The following TEKT1 variants were observed in gnomAD, a reference collection of about 807,000 sequenced individuals.
The protein encoded by TEKT1 is tektin 1.
Under a neutral mutation model 34.8 loss-of-function variants are expected in TEKT1, and 32 were observed. The ratio of observed to expected loss-of-function variants is 0.92; its 90% confidence interval spans 0.69 to 1.23. The LOEUF is 1.23. Among genes scored for constraint, TEKT1 ranks in the 50% most tolerant of loss-of-function variants. The pLI, the probability that TEKT1 is intolerant of heterozygous loss-of-function variation, is 0.00. For synonymous variants in TEKT1, 207 were observed against 199.8 expected, an observed-to-expected ratio of 1.04 and a Z score of -0.30; for missense variants, 492 against 518.5, an observed-to-expected ratio of 0.95 and a Z score of 0.50.
intron 5 of TEKT1, among the ~76,000 whole-genome samples, chr17:6,814,333 T>C (rs1200562526): frequency 1.3e-5 from 2 of 152,242 alleles, no homozygotes; most frequent in Non-Finnish European, 2.9e-5. Context: ...TATATGTATG[T>C]TTTATTTCAA....
chr17:6,801,663 G>A (rs999428222), intron 6 of TEKT1, among the ~76,000 whole-genome samples: 5 of 152,172 alleles, frequency 3.3e-5, no homozygotes, highest in South Asian at 2.1e-4. Context: ...AGCCAAGATC[G>A]TGCCACTGCA....
intron 4 of TEKT1, among the ~76,000 whole-genome samples, 179 bp from the exon 5 acceptor site, chr17:6,815,485 C>T (rs575595538): frequency 3.3e-5 from 5 of 151,408 alleles, no homozygotes; most frequent in South Asian, 2.1e-4. Context: ...GACAAATCAA[C>T]GTAACCAAAT....
chr17:6,800,545 G>C (rs1976755272), intron 7 of TEKT1, among the ~76,000 whole-genome samples: 1 of 152,230 alleles, frequency 6.6e-6, no homozygotes, highest in African/African-American at 2.4e-5. Context: ...GGCTTCTTTA[G>C]AATCACTCAA....
chr17:6,820,942 C>A (rs1977079535), intron 2 of TEKT1, among the ~76,000 whole-genome samples: 1 of 152,180 alleles, frequency 6.6e-6, no homozygotes, highest in African/African-American at 2.4e-5. Context: ...TTCTATTTGG[C>A]TGTGCCCTGA....
At chr17:6,807,033 A>G (rs1976854534) in intron 6 of TEKT1, among the ~76,000 whole-genome samples, 1 of 152,278 alleles carries the variant, frequency 6.6e-6, no homozygotes, top group African/African-American at 2.4e-5. Context: ...AGATTGGGGA[A>G]GTTCTCCTGG....
Position 6,819,321 on chromosome 17 carries a change from C to T in TEKT1, c.228G>A (p.Glu76=), listed in dbSNP as rs1977054888. 6.2e-7 allele frequency: 1 copy of T among 1,613,870 alleles called. No homozygotes were observed. The highest frequency in any genetic ancestry group is 1.3e-5 in the African/African-American group (1 of 74,930). Residue 76 remains glutamate (E), a synonymous_variant, in exon 3 of 8, where the codon GAG becomes GAA. Transcript: ENST00000338694. The stretch of plus-strand genomic sequence containing the variant: ...CAAGCTGCTCAAGTTTGTCATCTAA[C>T]TCCTTCTTCCAGAACTGGACTTCCT... ...RLEEVQFWKK[E]LDDKLEQLVN... is the part of the protein sequence containing the mutation.
chr17:6,813,101 AG>A (rs1395960457), intron 5 of TEKT1, 48 bp from the exon 6 acceptor site: 4 of 1,463,286 alleles, frequency 2.7e-6, no homozygotes, highest in African/African-American at 1.4e-5. Flanking sequence ...GGGGTGGGGA[AG>A]GGGGTTGGGA....
chr17:6,799,730 A>C lies in TEKT1; in HGVS notation c.*297T>G. ...TCTACACAGGTGATCCAGCCCAACTACTTTATTGAATTGAATCTGAACTGA... is the reference window on the plus strand; with the variant it reads ...TCTACACAGGTGATCCAGCCCAACTCCTTTATTGAATTGAATCTGAACTGA... On this transcript the variant is annotated 3_prime_UTR_variant, in exon 8 of 8. Transcript: ENST00000338694. 1 of 263,126 alleles carries C rather than the reference A, an allele frequency of 3.8e-6. No individual in the cohort carries two copies. The highest frequency in any genetic ancestry group is 7.2e-6 in the Non-Finnish European group (1 of 139,612). 16.3% of individuals were successfully genotyped at this position (263,126 alleles called of 1,614,324 possible).
intron 6 of TEKT1, among the ~76,000 whole-genome samples, chr17:6,805,452 G>A (rs1976831129): frequency 6.6e-6 from 1 of 151,878 alleles, no homozygotes; most frequent in South Asian, 2.1e-4. Flanking sequence ...AGGGTTTTTT[G>A]TGTCTCTATT....
rs1976988802 is a variant in TEKT1, at chr17:6,815,274, T to C, written c.518A>G (p.Lys173Arg). Residue 173 changes from lysine (K) to arginine (R), a missense_variant, in exon 5 of 8, where the codon AAG becomes AGG. Transcript: ENST00000338694. ...MNRSAKYNLEKDLKDKFVALT... is the reference protein window; with the variant it reads ...MNRSAKYNLERDLKDKFVALT... ...GGCCACAAACTTGTCCTTCAAATCC[T>C]TCTCAAGATTGTACTTGGCAGAGCG... 1 of 1,614,134 alleles carries C rather than the reference T, an allele frequency of 6.2e-7. No individual in the cohort carries two copies. Among genetic ancestry groups the C allele is most frequent in the African/African-American group, 1.3e-5 (1 of 74,938 alleles).
intron 3 of TEKT1, among the ~76,000 whole-genome samples, chr17:6,818,971 C>T (rs1340538419): frequency 2.6e-5 from 4 of 152,160 alleles, no homozygotes; most frequent in Non-Finnish European, 5.9e-5. Flanking sequence ...CTAGTCCTAA[C>T]ATATTTGAGT....
chr17:6,812,682 G>C (rs1351781880), intron 6 of TEKT1, 149 bp downstream of exon 6: 2 of 741,726 alleles, frequency 2.7e-6, no homozygotes, highest in East Asian at 5.3e-5. Context: ...CTGCTGCTAA[G>C]CTTGAGAGAT....
chr17:6,817,596 C>T (rs1977023663), intron 3 of TEKT1, among the ~76,000 whole-genome samples: 1 of 152,072 alleles, frequency 6.6e-6, no homozygotes, highest in Non-Finnish European at 1.5e-5. Context: ...CTGTGTGCCA[C>T]ATGTGCTTCT....
chr17:6,818,639 G>A lies in TEKT1; in HGVS notation c.356+554C>T, dbSNP rs151179966. Among the ~76,000 whole-genome samples the A allele has an allele frequency of 2.0e-3, 310 of 152,280 alleles. 5 individuals carry two copies. Among genetic ancestry groups the A allele is most frequent in the African/African-American group, 7.1e-3 (296 of 41,562 alleles). On this transcript the variant is annotated intron_variant, in intron 3 of 7. Coordinates refer to ENST00000338694, the MANE Select transcript of TEKT1 (RefSeq NM_053285.2). Reference sequence around the variant, plus strand: ...TAAAACCAATCATTTCCCAGCATCTGTTGGTGTGGCCATGTGATTAAGTTC... The same window carrying A: ...TAAAACCAATCATTTCCCAGCATCTATTGGTGTGGCCATGTGATTAAGTTC...
chr17:6,812,702 C>T (rs760909799), intron 6 of TEKT1, 129 bp downstream of exon 6: 8 of 870,344 alleles, frequency 9.2e-6, no homozygotes, highest in Non-Finnish European at 1.2e-5. Flanking sequence ...TATGAATGAC[C>T]CTTACCCACG....
intron 6 of TEKT1, among the ~76,000 whole-genome samples, chr17:6,812,345 C>T (rs1481164993): frequency 6.6e-6 from 1 of 152,114 alleles, no homozygotes; most frequent in Non-Finnish European, 1.5e-5. Context: ...AGCCAGTTTA[C>T]CAGCGCAACA....
rs750631085 is a variant in TEKT1 at position 6,819,345 on chromosome 17, C to G, written c.204G>C (p.Glu68Asp). The change falls in exon 3 of 8, where the codon GAG (glutamate) becomes GAC (aspartate). Residue 68 changes from glutamate (E) to aspartate (D), a missense_variant. By Grantham distance (45) the Glu-to-Asp change is conservative. Coordinates refer to ENST00000338694, the MANE Select transcript of TEKT1 (RefSeq NM_053285.2). ...DVNKKLEQRLEEVQFWKKELD... is the reference protein window; with the variant it reads ...DVNKKLEQRLDEVQFWKKELD... Reference sequence around the variant, plus strand: ...ACTCCTTCTTCCAGAACTGGACTTCCTCGAGTCTCTGTTCTGAAGCACACG... The same window carrying G: ...ACTCCTTCTTCCAGAACTGGACTTCGTCGAGTCTCTGTTCTGAAGCACACG... The G allele has an allele frequency of 2.4e-5, 39 of 1,613,304 alleles. 1 individual carries two copies. The highest frequency in any genetic ancestry group is 3.3e-4 in the Middle Eastern group (2 of 6,078).
rs1227604281 is a variant in TEKT1, at chr17:6,819,373, G to T, written c.191-15C>A. The T allele has an allele frequency of 6.2e-7, 1 of 1,606,920 alleles. No homozygotes were observed. Among genetic ancestry groups the T allele is most frequent in the Non-Finnish European group, 8.5e-7 (1 of 1,176,720 alleles). ...GAGTCTCTGTTCTGAAGCACACGGG[G>T]AAGTTACACCAGGGCTAATCTATCC... On this transcript the variant is annotated splice_polypyrimidine_tract_variant and intron_variant, in intron 2 of 7. Transcript: ENST00000338694.
intron 6 of TEKT1, among the ~76,000 whole-genome samples, chr17:6,805,930 G>A (rs1976838143): frequency 6.6e-6 from 1 of 152,134 alleles, no homozygotes; most frequent in Non-Finnish European, 1.5e-5. Flanking sequence ...GTGCTGAGAA[G>A]AATGTATATT....
Sources: gnomAD v4.1 joint callset for allele counts (sites outside exome capture counted in the v4.1 genomes callset) on GRCh38, gnomAD v4.1.1 for gene constraint, MANE v1.5 for transcripts, NCBI Gene and HGNC (gene_info 2026-07-23, HGNC 2026-07-21) for gene names.